ANKRD31: variants seen among roughly 807,000 people sequenced by gnomAD.
ANKRD31 encodes the protein ankyrin repeat domain-containing protein 31.
A neutral mutation model predicts 186.0 loss-of-function variants in ANKRD31; 147 were observed. That is an observed-to-expected ratio of 0.79 (90% CI 0.69 to 0.91). The LOEUF is 0.91. ANKRD31 is among the 40% of genes least tolerant of loss of function. The pLI is 0.00. For synonymous variants in ANKRD31, 673 were observed against 736.4 expected, an observed-to-expected ratio of 0.91 and a Z score of 1.39; for missense variants, 1,986 against 2,148.8, an observed-to-expected ratio of 0.92 and a Z score of 1.50.
chr5:75,092,174 G>A (rs1745972910), intron 22 of ANKRD31, among the ~76,000 whole-genome samples: 1 of 152,176 alleles, frequency 6.6e-6, no homozygotes, highest in South Asian at 2.1e-4. Context: ...AGAGCATGAA[G>A]AAGTTCAAGC....
intron 3 of ANKRD31, among the ~76,000 whole-genome samples, chr5:75,220,021 T>C (rs1229752192): frequency 6.6e-6 from 1 of 152,068 alleles, no homozygotes; most frequent in African/African-American, 2.4e-5. Flanking sequence ...ATATAAAACG[T>C]AAAACTATAG....
intron 19 of ANKRD31, among the ~76,000 whole-genome samples, chr5:75,114,825 A>G (rs1476354805): frequency 1.3e-5 from 2 of 152,200 alleles, no homozygotes; most frequent in African/African-American, 4.8e-5. Context: ...GAAAATGGCC[A>G]TACTGCCCAA....
At chr5:75,228,886 A>G (rs1169903406) in intron 2 of ANKRD31, among the ~76,000 whole-genome samples, 1 of 152,208 alleles carries the variant, frequency 6.6e-6, no homozygotes, top group Admixed American at 6.5e-5. Flanking sequence ...CCTTCCAATT[A>G]CATGTGAGAA....
In ANKRD31 at chr5:75,195,875, G is replaced by A. The variant is rs1454679699; in HGVS notation, c.773C>T (p.Ser258Phe). 2 of 1,513,796 alleles carry A rather than the reference G, an allele frequency of 1.3e-6. No homozygotes were observed. Among genetic ancestry groups the A allele is most frequent in the Non-Finnish European group, 1.7e-6 (2 of 1,143,208 alleles). The allele number at this position is 1,513,796 out of a possible 1,614,324, so 93.8% of individuals were successfully genotyped here. A position where few individuals can be genotyped will look rare whatever the true frequency, so the allele number is the denominator to read the frequency against. ...CAAAGGTATTGATATGGAACTAAGA[G>A]AGTCACTCAATGGGTTCATCAATTC... Reference protein sequence around the residue: ...RKELMNPLSDSLSSISIPLNS... With the variant: ...RKELMNPLSDFLSSISIPLNS... Residue 258 changes from serine (S) to phenylalanine (F), a missense_variant, in exon 7 of 26, where the codon TCT becomes TTT. Ser to Phe is a radical substitution (Grantham distance 155). Transcript: ENST00000506364.
At chr5:75,182,984 G>A (rs1754436478) in intron 10 of ANKRD31, among the ~76,000 whole-genome samples, 1 of 152,124 alleles carries the variant, frequency 6.6e-6, no homozygotes, top group Non-Finnish European at 1.5e-5. Context: ...CAATACCCCT[G>A]ATGAACACAG....
chr5:75,088,454 T>C (rs1352796196), intron 23 of ANKRD31, among the ~76,000 whole-genome samples: 2 of 152,222 alleles, frequency 1.3e-5, no homozygotes, highest in Non-Finnish European at 2.9e-5. Context: ...TAAACCATCA[T>C]TTCCATTCTT....
At position 75,202,704 on chromosome 5, in the gene ANKRD31, A is replaced by T. The variant is rs2150266158; in HGVS notation, c.404-3030T>A. ...TTGGGACAGAGGTCTGTATTAGAAC[A>T]CAGTCAACTATAAAAGCTAACAATT... On this transcript the variant is annotated intron_variant, in intron 5 of 25. Coordinates refer to ENST00000506364, the MANE Select transcript of ANKRD31 (RefSeq NM_001372053.1). Among the ~76,000 whole-genome samples the T allele has an allele frequency of 1.3e-5, 2 of 152,362 alleles. 1 individual carries two copies. Among genetic ancestry groups the T allele is most frequent in the Non-Finnish European group, 2.9e-5 (2 of 68,040 alleles).
intron 25 of ANKRD31, among the ~76,000 whole-genome samples, chr5:75,076,118 T>G (rs981331215): frequency 6.6e-6 from 1 of 152,186 alleles, no homozygotes; most frequent in Non-Finnish European, 1.5e-5. Flanking sequence ...ATGTGCGGAC[T>G]TTTTTCCTCA....
intron 10 of ANKRD31, among the ~76,000 whole-genome samples, chr5:75,180,146 G>A (rs1158190166): frequency 6.6e-6 from 1 of 152,112 alleles, no homozygotes. Context: ...GCTTCAAAGA[G>A]AATAAAATAC....
At chr5:75,103,833 A>T (rs1049222358) in intron 22 of ANKRD31, among the ~76,000 whole-genome samples, 1 of 152,142 alleles carries the variant, frequency 6.6e-6, no homozygotes, top group Non-Finnish European at 1.5e-5. Context: ...GGAACAGCAC[A>T]TACTGGGGCC....
chr5:75,196,869 T>C (rs1436234740), intron 6 of ANKRD31, among the ~76,000 whole-genome samples: 2 of 152,142 alleles, frequency 1.3e-5, no homozygotes, highest in Admixed American at 6.6e-5. Context: ...GTTATACCTG[T>C]TCTCACAATG....
chr5:75,184,394 G>C (rs906412126), intron 10 of ANKRD31, among the ~76,000 whole-genome samples: 3 of 152,016 alleles, frequency 2.0e-5, no homozygotes. Context: ...ACAGACAAAT[G>C]AGATTACATC....
At chr5:75,120,326 T>A (rs1409109166) in intron 17 of ANKRD31, among the ~76,000 whole-genome samples, 3 of 151,932 alleles carry the variant, frequency 2.0e-5, no homozygotes, top group African/African-American at 7.3e-5. Context: ...CCCTGGGAGG[T>A]CAAGGCTTCA....
intron 22 of ANKRD31, among the ~76,000 whole-genome samples, chr5:75,092,974 C>T (rs1746036671): frequency 6.6e-6 from 1 of 151,834 alleles, no homozygotes; most frequent in Admixed American, 6.6e-5. Context: ...TGAAATAAAA[C>T]ATTTACCAAA....
At position 75,154,327 on chromosome 5, in the gene ANKRD31, G is replaced by A; in HGVS notation, c.1726C>T (p.Leu576=). 1.3e-6 allele frequency: 2 copies of A among 1,531,350 alleles called. No homozygotes were observed. Among genetic ancestry groups the A allele is most frequent in the Non-Finnish European group, 1.7e-6 (2 of 1,144,420 alleles). 94.9% of individuals were successfully genotyped at this position (1,531,350 alleles called of 1,614,324 possible). Residue 576 remains leucine, a synonymous_variant, in exon 12 of 26, where the codon CTG becomes TTG. Transcript: ENST00000506364. ...CTAAATAATGGATCAGCTCCATTCA[G>A]AAGAAGTAACTCTGCCACCTAGAAA... ...GHYKVAELLL[L]NGADPLFRND...
intron 1 of ANKRD31, among the ~76,000 whole-genome samples, chr5:75,235,111 AT>A (rs1758178742): frequency 6.6e-6 from 1 of 151,904 alleles, no homozygotes; most frequent in South Asian, 2.1e-4. Flanking sequence ...ATCAGAAAAT[AT>A]TTTAATATCC....
intron 17 of ANKRD31, among the ~76,000 whole-genome samples, chr5:75,128,214 C>T (rs1334469372): frequency 6.6e-6 from 1 of 150,454 alleles, no homozygotes; most frequent in Non-Finnish European, 1.5e-5. Context: ...ACAATGAAAA[C>T]ACATGGACAC....
At chr5:75,106,522 G>A (rs568826602) in intron 21 of ANKRD31, among the ~76,000 whole-genome samples, 269 of 152,148 alleles carry the variant, frequency 1.8e-3, no homozygotes, top group African/African-American at 6.3e-3. Flanking sequence ...TTAAAACTAT[G>A]TGAAACAAGG....
At position 75,146,822 on chromosome 5, in the gene ANKRD31, T is replaced by C; in HGVS notation, c.2589A>G (p.Gln863=). Residue 863 remains glutamine (Q), a synonymous_variant, in exon 14 of 26, where the codon CAA becomes CAG. Coordinates refer to ENST00000506364, the MANE Select transcript of ANKRD31 (RefSeq NM_001372053.1). ...CATGAGATTTATAAAGTACATGGTG[T>C]TGTTCCTGGAGAGTGTGAGGCTGCT... ...TDKQPHTLQE[Q]HHVLYKSHEN... is the part of the protein sequence containing the mutation. The C allele has an allele frequency of 6.5e-7, 1 of 1,536,318 alleles. No individual in the cohort carries two copies. The highest frequency in any genetic ancestry group is 8.7e-7 in the Non-Finnish European group (1 of 1,146,280).
Sources: allele counts gnomAD v4.1 joint callset (sites outside exome capture counted in the v4.1 genomes callset), GRCh38; gene constraint gnomAD v4.1.1; transcripts MANE v1.5; gene names NCBI Gene and HGNC (gene_info 2026-07-23, HGNC 2026-07-21).